Variants in TOX observed in about 807,000 individuals in gnomAD.
The protein encoded by TOX is thymocyte selection associated high mobility group box.
In TOX, 11 loss-of-function variants were observed where a neutral mutation model predicts 53.7. That is an observed-to-expected ratio of 0.20 (90% confidence interval 0.13 to 0.34). The LOEUF is 0.34. Ranked by LOEUF, TOX falls within the 10% of genes least tolerant of loss-of-function variation. The pLI, the probability that TOX is intolerant of heterozygous loss-of-function variation, is 1.00. For synonymous variants in TOX, 225 were observed against 245.3 expected (o/e 0.92, Z 0.77); for missense variants, 570 against 664.6 (o/e 0.86, Z 1.56).
chr8:58,886,884 T>C (rs1811477536), intron 3 of TOX, among the ~76,000 whole-genome samples: 1 of 151,362 alleles, frequency 6.6e-6, no homozygotes, highest in Admixed American at 6.6e-5. Flanking sequence ...ACTTTCAATG[T>C]GTTAAAGGTA....
intron 1 of TOX, among the ~76,000 whole-genome samples, chr8:59,080,737 C>T (rs1255662600): frequency 6.6e-6 from 1 of 152,072 alleles, no homozygotes; most frequent in Non-Finnish European, 1.5e-5. Context: ...TTCCCCCCGA[C>T]CCTCTTGTTC....
At chr8:59,055,504 C>T (rs926499255) in intron 1 of TOX, among the ~76,000 whole-genome samples, 33 of 152,092 alleles carry the variant, frequency 2.2e-4, no homozygotes, top group African/African-American at 8.0e-4. Flanking sequence ...TCCAGTGCAG[C>T]CACCATGGCT....
rs138907019 is a variant in TOX, at chr8:58,974,146, C to T, written c.103-14138G>A. Among the ~76,000 whole-genome samples the T allele has an allele frequency of 2.6e-3, 397 of 152,262 alleles. 1 individual carries two copies. Among genetic ancestry groups the T allele is most frequent in the Non-Finnish European group, 4.5e-3 (306 of 68,030 alleles). ...TGATTTCACCCCAGCCTGGGGAGGGCACTTAACATTTGACAATGTCTGGAG... is the reference window on the plus strand; with the variant it reads ...TGATTTCACCCCAGCCTGGGGAGGGTACTTAACATTTGACAATGTCTGGAG... On this transcript the variant is annotated intron_variant, in intron 1 of 8. Transcript: ENST00000361421.
intron 1 of TOX, among the ~76,000 whole-genome samples, chr8:59,057,732 T>G (rs1303493598): frequency 6.6e-6 from 1 of 152,242 alleles, no homozygotes; most frequent in African/African-American, 2.4e-5. Flanking sequence ...TACACATTTT[T>G]ATTGCTTCAT....
chr8:59,026,374 A>T (rs1298802975), intron 1 of TOX, among the ~76,000 whole-genome samples: 2 of 152,152 alleles, frequency 1.3e-5, no homozygotes, highest in Admixed American at 6.5e-5. Flanking sequence ...AGAAGAATGG[A>T]ACTTGGTGGG....
At chr8:59,109,102 T>C (rs903442756) in intron 1 of TOX, among the ~76,000 whole-genome samples, 5 of 152,182 alleles carry the variant, frequency 3.3e-5, no homozygotes, top group Admixed American at 3.3e-4. Context: ...TCCCTTCCCA[T>C]TTCCTGATTA....
At chr8:58,909,760 C>T (rs943814069) in intron 3 of TOX, among the ~76,000 whole-genome samples, 2 of 151,696 alleles carry the variant, frequency 1.3e-5, no homozygotes, top group Non-Finnish European at 2.9e-5. Context: ...TGGGTTCAAG[C>T]GATTCTCCTG....
chr8:58,927,477 T>C (rs1812183571), intron 3 of TOX, among the ~76,000 whole-genome samples: 1 of 152,226 alleles, frequency 6.6e-6, no homozygotes, highest in African/African-American at 2.4e-5. Context: ...TGTCCATCCC[T>C]GTGCTCTGCA....
chr8:59,109,036 T>C (rs574052186), intron 1 of TOX, among the ~76,000 whole-genome samples: 1 of 152,292 alleles, frequency 6.6e-6, no homozygotes, highest in East Asian at 1.9e-4. Context: ...AAATAATATC[T>C]CACCACCATA....
At chr8:59,036,940 T>C (rs1010184711) in intron 1 of TOX, among the ~76,000 whole-genome samples, 1 of 152,212 alleles carries the variant, frequency 6.6e-6, no homozygotes, top group African/African-American at 2.4e-5. Flanking sequence ...CTCCCCTTCA[T>C]GAAGAGGCCT....
At chr8:59,102,816 A>G (rs914722586) in intron 1 of TOX, among the ~76,000 whole-genome samples, 1 of 152,190 alleles carries the variant, frequency 6.6e-6, no homozygotes, top group African/African-American at 2.4e-5. Flanking sequence ...AGAAGGAAGT[A>G]TGGGAGAAAG....
At chr8:59,014,889 C>T (rs410519) in intron 1 of TOX, among the ~76,000 whole-genome samples, 135,966 of 152,248 alleles carry the variant, frequency 0.89, 61,002 homozygotes, top group East Asian at 1. Flanking sequence ...AAGAAATAAC[C>T]GCTACAAAAC....
chr8:58,825,928 G>T (rs1585846044), intron 6 of TOX, among the ~76,000 whole-genome samples: 1 of 152,178 alleles, frequency 6.6e-6, no homozygotes, highest in Admixed American at 6.5e-5. Context: ...TTCTCACAGT[G>T]CCATACCTTA....
At position 59,012,845 on chromosome 8, in the gene TOX, T is replaced by C. The variant is rs144264953; in HGVS notation, c.103-52837A>G. Among the ~76,000 whole-genome samples, 16 of 151,792 alleles carry C rather than the reference T, an allele frequency of 1.1e-4. No homozygotes were observed. In the East Asian group the frequency reaches 1.9e-3, roughly 18 times the overall value. ...ACACAGACTAAAATGACAGCCCTAG[T>C]TTCTCAGCTGGCCAGCAGACACCTC... On this transcript the variant is annotated intron_variant, in intron 1 of 8. Transcript: ENST00000361421.
intron 1 of TOX, among the ~76,000 whole-genome samples, chr8:59,022,239 G>A (rs1814149731): frequency 6.6e-6 from 1 of 152,070 alleles, no homozygotes; most frequent in Non-Finnish European, 1.5e-5. Context: ...TGAGTTTTGT[G>A]AATTTCATTG....
At chr8:58,858,686 C>G (rs1810956213) in intron 3 of TOX, among the ~76,000 whole-genome samples, 1 of 152,206 alleles carries the variant, frequency 6.6e-6, no homozygotes, top group Non-Finnish European at 1.5e-5. Flanking sequence ...CTGTGGAGTG[C>G]TTTCCCCAGG....
At chr8:58,835,207 C>A (rs1015366089) in intron 5 of TOX, among the ~76,000 whole-genome samples, 1 of 152,066 alleles carries the variant, frequency 6.6e-6, no homozygotes, top group African/African-American at 2.4e-5. Context: ...TGAGAGACAA[C>A]CCAAAGGTAG....
Position 59,118,783 on chromosome 8 carries a change from G to T in TOX, c.102+103C>A. On this transcript the variant is annotated intron_variant, in intron 1 of 8. Coordinates refer to ENST00000361421, the MANE Select transcript of TOX (RefSeq NM_014729.3). This position sits in a 1 kb window ranked among gnomAD's most constrained non-coding sequence, Gnocchi z 4.1. ...CGGGCTGCGAGCCGAGCGCGCCCGG[G>T]ACCGGCCTCCGCCAAGCCGGCCCCG... The T allele has an allele frequency of 9.1e-6, 7 of 769,138 alleles. No individual in the cohort carries two copies. The allele number at this position is 769,138 out of a possible 1,614,324, so 47.6% of individuals were successfully genotyped here. A position where few individuals can be genotyped will look rare whatever the true frequency, so the allele number is the denominator to read the frequency against.
At chr8:58,818,382 T>C (rs1810215813) in intron 6 of TOX, among the ~76,000 whole-genome samples, 1 of 152,202 alleles carries the variant, frequency 6.6e-6, no homozygotes, top group Admixed American at 6.5e-5. Flanking sequence ...ATATTTTCCC[T>C]TTATTTTCTA....
Sources: allele counts gnomAD v4.1 joint callset (sites outside exome capture counted in the v4.1 genomes callset), GRCh38; gene constraint gnomAD v4.1.1; non-coding constraint Gnocchi (gnomAD v3.1); transcripts MANE v1.5; gene names NCBI Gene and HGNC (gene_info 2026-07-23, HGNC 2026-07-21).